SCNN1B: variants seen among roughly 807,000 people sequenced by gnomAD.
SCNN1B encodes the protein sodium channel epithelial 1 subunit beta, also known as epithelial sodium channel subunit beta.
A neutral mutation model predicts 65.3 loss-of-function variants in SCNN1B; 46 were observed. The ratio of observed to expected loss-of-function variants is 0.70; its 90% CI spans 0.56 to 0.90. The LOEUF is 0.90. Among genes scored for constraint, SCNN1B ranks in the 40% least tolerant of loss-of-function variants. The pLI, the probability that SCNN1B is intolerant of heterozygous loss-of-function variation, is 0.00. For synonymous variants in SCNN1B, 349 were observed against 330.6 expected, an observed-to-expected ratio of 1.06 and a Z score of -0.60; for missense variants, 751 against 830.5, an observed-to-expected ratio of 0.90 and a Z score of 1.18.
intron 1 of SCNN1B, among the ~76,000 whole-genome samples, chr16:23,309,830 G>C (rs1175970480): frequency 6.6e-6 from 1 of 152,192 alleles, no homozygotes; most frequent in Non-Finnish European, 1.5e-5. Context: ...TTGACACTCA[G>C]TATTAAGCAT....
chr16:23,348,462 A>C lies in SCNN1B; in HGVS notation c.-8-130A>C. On this transcript the variant is annotated intron_variant, in intron 1 of 12. Transcript: ENST00000343070. This position sits in a 1 kb window ranked among gnomAD's most constrained non-coding sequence, Gnocchi z 4.5. ...AAGAAAAGAAGGAAAAAAGGGAGGG[A>C]GGGAGGGGGGAGGGTAAAGAGGGAG... 1 of 608,850 alleles carries C rather than the reference A, an allele frequency of 1.6e-6. No homozygotes were observed. The highest frequency in any genetic ancestry group is 2.6e-6 in the Non-Finnish European group (1 of 380,310). 37.7% of individuals were successfully genotyped at this position (608,850 alleles called of 1,614,324 possible).
chr16:23,354,540 G>T (rs568117135), intron 3 of SCNN1B, among the ~76,000 whole-genome samples: 1 of 152,260 alleles, frequency 6.6e-6, no homozygotes, highest in Non-Finnish European at 1.5e-5. Context: ...CAGATGGAAG[G>T]GTGCTCTGCA....
intron 2 of SCNN1B, among the ~76,000 whole-genome samples, chr16:23,292,456 C>G (rs542926247): frequency 2.4e-4 from 37 of 152,146 alleles, no homozygotes; most frequent in Middle Eastern, 6.8e-3. Context: ...CTTGGCCTCC[C>G]GAAGTGCTGG....
chr16:23,360,977 G>A (rs999054435), intron 4 of SCNN1B, among the ~76,000 whole-genome samples: 5 of 152,070 alleles, frequency 3.3e-5, no homozygotes, highest in Non-Finnish European at 5.9e-5. Flanking sequence ...TGTATTTTTA[G>A]TAGAGACAGG....
intron 1 of SCNN1B, among the ~76,000 whole-genome samples, chr16:23,326,104 A>G (rs192681815): frequency 4.6e-5 from 7 of 151,502 alleles, no homozygotes; most frequent in Non-Finnish European, 8.8e-5. Context: ...AAATTCTTGG[A>G]AGCTTAACTT....
chr16:23,324,135 C>A (rs1241316399), intron 1 of SCNN1B, among the ~76,000 whole-genome samples: 1 of 151,554 alleles, frequency 6.6e-6, no homozygotes, highest in African/African-American at 2.4e-5. Flanking sequence ...GCCACCCAGC[C>A]AGTAAGAGAT....
intron 1 of SCNN1B, among the ~76,000 whole-genome samples, chr16:23,320,858 C>A (rs950105929): frequency 6.6e-6 from 1 of 152,202 alleles, no homozygotes; most frequent in Admixed American, 6.5e-5. Context: ...AGGGACGGGG[C>A]AGGGCCCTCT....
chr16:23,352,420 A>T (rs1262088830), intron 2 of SCNN1B, among the ~76,000 whole-genome samples: 1 of 152,032 alleles, frequency 6.6e-6, no homozygotes, highest in Non-Finnish European at 1.5e-5. Context: ...CGAGGGAGGG[A>T]CCTGGTGTGG....
intron 7 of SCNN1B, among the ~76,000 whole-genome samples, chr16:23,372,494 T>TC (rs1208181609): frequency 1.4e-5 from 2 of 143,100 alleles, no homozygotes; most frequent in South Asian, 2.2e-4. Flanking sequence ...ACCTGAGAAG[T>TC]CCCTTTTTTT....
Position 23,378,733 on chromosome 16 carries a change from G to A in SCNN1B, c.1432G>A (p.Glu478Lys). Reference sequence around the variant, plus strand: ...CTGGATTTTCCACGTCTTGTCTCAGGAGCGGGACCAAAGCACCAATATCAC... The same window carrying A: ...CTGGATTTTCCACGTCTTGTCTCAGAAGCGGGACCAAAGCACCAATATCAC... ...EDWIFHVLSQ[E>K]RDQSTNITLS... Residue 478 changes from glutamate (E) to lysine (K), a missense_variant, in exon 11 of 13, where the codon GAG (glutamate) becomes AAG (lysine). Glu to Lys is a moderately conservative substitution (Grantham distance 56, BLOSUM62 1). Transcript: ENST00000343070. 6.2e-7 allele frequency: 1 copy of A among 1,614,154 alleles called. No homozygotes were observed. The highest frequency in any genetic ancestry group is 8.5e-7 in the Non-Finnish European group (1 of 1,180,032).
At chr16:23,283,532 A>AAAAC (rs1460259454) in intron 1 of SCNN1B, among the ~76,000 whole-genome samples, 3 of 152,232 alleles carry the variant, frequency 2.0e-5, no homozygotes, top group Non-Finnish European at 4.4e-5. Flanking sequence ...CTGAAAGTGA[A>AAAAC]AAACAGAATG....
At chr16:23,330,960 C>T (rs1262003067) in intron 1 of SCNN1B, among the ~76,000 whole-genome samples, 1 of 152,158 alleles carries the variant, frequency 6.6e-6, no homozygotes, top group East Asian at 1.9e-4. Flanking sequence ...ACAAGGTTTT[C>T]CAAGGACCCT....
At chr16:23,286,967 T>A (rs1268118702) in intron 2 of SCNN1B, among the ~76,000 whole-genome samples, 1 of 151,474 alleles carries the variant, frequency 6.6e-6, no homozygotes, top group Non-Finnish European at 1.5e-5. Flanking sequence ...GTTGTTGTTG[T>A]TGATGTTGTT....
intron 1 of SCNN1B, among the ~76,000 whole-genome samples, chr16:23,308,894 TGC>T (rs1222485778): frequency 6.6e-6 from 1 of 152,202 alleles, no homozygotes; most frequent in Non-Finnish European, 1.5e-5. Flanking sequence ...TAAATCACCA[TGC>T]CTGGCCACGA....
At chr16:23,301,090 A>T (rs192291814), upstream of SCNN1B, among the ~76,000 whole-genome samples, 1 of 152,048 alleles carries the variant, frequency 6.6e-6, no homozygotes, top group East Asian at 1.9e-4. Flanking sequence ...CTGGCTGGGC[A>T]TGGTGGCTCA....
chr16:23,363,120 ATC>A (rs1425270683), intron 4 of SCNN1B, among the ~76,000 whole-genome samples: 1 of 152,074 alleles, frequency 6.6e-6, no homozygotes, highest in Non-Finnish European at 1.5e-5. Context: ...CTCCATACTT[ATC>A]TCTGTCGATG....
chr16:23,379,253 T>G (rs1294885211), intron 11 of SCNN1B, among the ~76,000 whole-genome samples: 2 of 151,342 alleles, frequency 1.3e-5, no homozygotes, highest in African/African-American at 2.4e-5. Context: ...CGTTTATTCA[T>G]GGATCTCTCC....
chr16:23,304,027 TTATTTAAACTGCTGCATGG>T (rs752513211), intron 1 of SCNN1B: 1 of 1,520,064 alleles, frequency 6.6e-7, no homozygotes, highest in African/African-American at 1.4e-5. Flanking sequence ...CCCAGCTTAT[TTATTTAAACTGCTGCATGG>T]ATTCCCGCCG....
chr16:23,320,048 C>T (rs899269962), intron 1 of SCNN1B, among the ~76,000 whole-genome samples: 2 of 152,260 alleles, frequency 1.3e-5, no homozygotes, highest in Non-Finnish European at 2.9e-5. Context: ...TGCCCGGCCA[C>T]GTCTCAAATG....
Sources: gnomAD v4.1 joint callset for allele counts (sites outside exome capture counted in the v4.1 genomes callset) on GRCh38, gnomAD v4.1.1 for gene constraint, Gnocchi (gnomAD v3.1) non-coding constraint, MANE v1.5 for transcripts, NCBI Gene and HGNC (gene_info 2026-07-23, HGNC 2026-07-21) for gene names.